Variants in HIBADH observed in about 807,000 individuals in gnomAD.
The protein encoded by HIBADH is 3-hydroxyisobutyrate dehydrogenase, also known as 3-hydroxyisobutyrate dehydrogenase, mitochondrial.
In HIBADH, 25 loss-of-function variants were observed where a neutral mutation model predicts 36.1. That is an observed-to-expected ratio of 0.69 (90% CI 0.50 to 0.97). The LOEUF is 0.97. HIBADH is among the 50% of genes least tolerant of loss of function. The pLI, the probability that HIBADH is intolerant of heterozygous loss-of-function variation, is 0.00. For missense variants in HIBADH, 421 were observed against 418.0 expected (o/e 1.01, Z -0.06); for synonymous variants, 160 against 149.5 (o/e 1.07, Z -0.51).
chr7:27,534,254 A>G (rs1368513731), intron 6 of HIBADH, among the ~76,000 whole-genome samples: 1 of 152,214 alleles, frequency 6.6e-6, no homozygotes, highest in Non-Finnish European at 1.5e-5. Context: ...TGAGTAATCT[A>G]TACTGTCTGG....
rs571397242 is a variant in HIBADH, at chr7:27,640,230, T to A, written c.253-7785A>T. Reference sequence around the variant, plus strand: ...AACTTAGGAACTGCCTCTTCTTTTTTCCTTAAAAACCCACCTGGGGCCAGG... The same window carrying A: ...AACTTAGGAACTGCCTCTTCTTTTTACCTTAAAAACCCACCTGGGGCCAGG... On this transcript the variant is annotated intron_variant, in intron 2 of 7. Transcript: ENST00000265395. 7.9e-5 allele frequency among the ~76,000 whole-genome samples: 12 copies of A among 152,314 alleles called. No individual in the cohort carries two copies. The South Asian group carries it at 2.3e-3, about 29-fold the overall frequency.
At chr7:27,582,511 G>A (rs1784808695) in intron 4 of HIBADH, among the ~76,000 whole-genome samples, 1 of 152,022 alleles carries the variant, frequency 6.6e-6, no homozygotes. Context: ...TTATGAACAG[G>A]AACCTAATTT....
chr7:27,592,635 C>T (rs1205799237), intron 4 of HIBADH, among the ~76,000 whole-genome samples: 1 of 152,048 alleles, frequency 6.6e-6, no homozygotes, highest in Non-Finnish European at 1.5e-5. Context: ...AAACATGCGA[C>T]AACTTTTCTC....
At chr7:27,557,266 T>A (rs957284725) in intron 4 of HIBADH, among the ~76,000 whole-genome samples, 5 of 151,920 alleles carry the variant, frequency 3.3e-5, no homozygotes, top group African/African-American at 9.7e-5. Flanking sequence ...AGAATGGACA[T>A]GTTTACATGC....
intron 4 of HIBADH, among the ~76,000 whole-genome samples, chr7:27,581,238 C>T (rs906000080): frequency 6.6e-6 from 1 of 152,120 alleles, no homozygotes; most frequent in Non-Finnish European, 1.5e-5. Flanking sequence ...TGTTCAGCTA[C>T]TCAAGGGCCA....
chr7:27,533,918 A>G (rs1410651275), intron 6 of HIBADH, among the ~76,000 whole-genome samples: 2 of 152,214 alleles, frequency 1.3e-5, no homozygotes, highest in East Asian at 3.9e-4. Flanking sequence ...AGCTCAAGCC[A>G]TCAAAAGAAT....
In HIBADH at chr7:27,645,350, G is replaced by T. The variant is rs186570787; in HGVS notation, c.252+4123C>A. ...AACTTTTTAATCTAGATTCTAGTGG[G>T]TGTGTCTCATGGTTTTGATTTTTTT... On this transcript the variant is annotated intron_variant, in intron 2 of 7. Transcript: ENST00000265395. Among the ~76,000 whole-genome samples, 734 of 134,672 alleles carry T rather than the reference G, an allele frequency of 5.5e-3. 7 individuals carry two copies. Among genetic ancestry groups the T allele is most frequent in the African/African-American group, 0.016 (544 of 34,484 alleles). 88.4% of individuals were successfully genotyped at this position (134,672 alleles called of 152,430 possible).
chr7:27,638,319 A>AAAAAAAAAAC (rs1785887781), intron 2 of HIBADH, among the ~76,000 whole-genome samples: 1 of 148,732 alleles, frequency 6.7e-6, no homozygotes, highest in Non-Finnish European at 1.5e-5. Context: ...AAAAAAAAAA[A>AAAAAAAAAAC]AAAAAAAAAA....
intron 1 of HIBADH, among the ~76,000 whole-genome samples, chr7:27,657,466 T>C (rs1482849019): frequency 6.6e-6 from 1 of 152,274 alleles, no homozygotes; most frequent in South Asian, 2.1e-4. Context: ...AACCAGAGAC[T>C]AGTTCTGCTG....
At chr7:27,531,644 C>G (rs1784003455) in intron 6 of HIBADH, among the ~76,000 whole-genome samples, 3 of 152,098 alleles carry the variant, frequency 2.0e-5, no homozygotes. Flanking sequence ...GTTGGTTTAT[C>G]ACACTCATGG....
At chr7:27,546,787 A>C (rs1310427893) in intron 4 of HIBADH, among the ~76,000 whole-genome samples, 1 of 152,200 alleles carries the variant, frequency 6.6e-6, no homozygotes, top group Non-Finnish European at 1.5e-5. Context: ...TGAAGGATGA[A>C]TCACAAATGT....
In HIBADH at chr7:27,630,223, CA is replaced by C. The variant is rs1785723740; in HGVS notation, c.363-732del. On this transcript the variant is annotated intron_variant, in intron 3 of 7. Transcript: ENST00000265395. ...TGGCTAACCTTTAATTCAAACTTTC[CA>C]AAGTTCTTTAAGACAGAGTCTCCCA... Among the ~76,000 whole-genome samples, 3 of 152,156 alleles carry C rather than the reference CA, an allele frequency of 2.0e-5. No individual in the cohort carries two copies. In the South Asian group the frequency reaches 6.2e-4, roughly 32 times the overall value.
chr7:27,529,193 G>C (rs953467566), intron 7 of HIBADH, among the ~76,000 whole-genome samples: 3 of 152,166 alleles, frequency 2.0e-5, no homozygotes, highest in African/African-American at 7.2e-5. Context: ...GAGATGTACA[G>C]GGAGATTAAT....
At chr7:27,541,414 T>A (rs1314433746) in intron 5 of HIBADH, among the ~76,000 whole-genome samples, 4 of 152,178 alleles carry the variant, frequency 2.6e-5, no homozygotes. Context: ...TCATATTAGA[T>A]GTAAGTATGC....
intron 4 of HIBADH, among the ~76,000 whole-genome samples, chr7:27,593,632 CTATTATTCAA>C (rs1405994736): frequency 2.0e-5 from 3 of 152,082 alleles, no homozygotes; most frequent in African/African-American, 7.2e-5. Context: ...GTTATCACTA[CTATTATTCAA>C]TATTATTCTG....
intron 4 of HIBADH, among the ~76,000 whole-genome samples, chr7:27,569,756 G>A (rs1175859581): frequency 6.6e-6 from 1 of 151,782 alleles, no homozygotes; most frequent in African/African-American, 2.4e-5. Flanking sequence ...AACAGCAAGA[G>A]AATTAAAAAA....
At position 27,662,864 on chromosome 7, in the gene HIBADH, G is replaced by A. The variant is rs907678734; in HGVS notation, c.-76C>T. 6.7e-6 allele frequency: 8 copies of A among 1,186,776 alleles called. No individual in the cohort carries two copies. The highest frequency in any genetic ancestry group is 3.2e-5 in the East Asian group (1 of 31,212). The allele number at this position is 1,186,776 out of a possible 1,614,324, so 73.5% of individuals were successfully genotyped here. A position where few individuals can be genotyped will look rare whatever the true frequency, so the allele number is the denominator to read the frequency against. ...CCACAGACTGCGAGCGTGTGCAGCG[G>A]GACTGGCTGGCTCGCCCACGGAGAA... is the stretch of plus-strand genomic sequence containing the variant. On this transcript the variant is annotated 5_prime_UTR_variant, in exon 1 of 8. Transcript: ENST00000265395.
At chr7:27,651,160 T>C (rs1439177943) in intron 1 of HIBADH, among the ~76,000 whole-genome samples, 2 of 152,234 alleles carry the variant, frequency 1.3e-5, no homozygotes, top group Non-Finnish European at 2.9e-5. Context: ...TGCTCTTCCC[T>C]GAACTGAATC....
chr7:27,652,616 G>A (rs953624115), intron 1 of HIBADH, among the ~76,000 whole-genome samples: 2 of 152,242 alleles, frequency 1.3e-5, no homozygotes, highest in Non-Finnish European at 2.9e-5. Context: ...AGGCCAGGAA[G>A]TCCAACATGA....
Sources: allele counts gnomAD v4.1 joint callset (sites outside exome capture counted in the v4.1 genomes callset), GRCh38; gene constraint gnomAD v4.1.1; transcripts MANE v1.5; gene names NCBI Gene and HGNC (gene_info 2026-07-23, HGNC 2026-07-21).